Variants in PPP2R3A observed in about 807,000 individuals in gnomAD.
The protein encoded by PPP2R3A is serine/threonine-protein phosphatase 2A regulatory subunit B'' subunit alpha.
A neutral mutation model predicts 106.9 loss-of-function variants in PPP2R3A; 80 were observed. The ratio of observed to expected loss-of-function variants is 0.75; its 90% CI spans 0.62 to 0.90. The LOEUF (loss-of-function observed/expected upper bound fraction) is 0.90, where lower values mean the gene tolerates loss of function less well. PPP2R3A is among the 40% of genes least tolerant of loss of function. The probability of loss-of-function intolerance (pLI) is 0.00; values close to 1 mark genes in which losing one functional copy is unlikely to be tolerated. For synonymous variants in PPP2R3A, 483 were observed against 468.3 expected (o/e 1.03, Z -0.41); for missense variants, 1,386 against 1,350.4 (o/e 1.03, Z -0.41).
intron 1 of PPP2R3A, among the ~76,000 whole-genome samples, chr3:135,992,904 G>A (rs1431192961): frequency 6.6e-6 from 1 of 152,122 alleles, no homozygotes; most frequent in African/African-American, 2.4e-5. Context: ...ATGCAAGGAA[G>A]GAGACAGTGA....
At chr3:136,029,746 A>G (rs1047578804) in intron 3 of PPP2R3A, among the ~76,000 whole-genome samples, 2 of 152,216 alleles carry the variant, frequency 1.3e-5, no homozygotes, top group Non-Finnish European at 2.9e-5. Flanking sequence ...GCCATTATAC[A>G]TATATATGTC....
At position 136,001,794 on chromosome 3, in the gene PPP2R3A, G is replaced by A. The variant is rs750422274; in HGVS notation, c.296G>A (p.Arg99Lys). The A allele has an allele frequency of 3.7e-6, 6 of 1,614,160 alleles. No individual in the cohort carries two copies. The highest frequency in any genetic ancestry group is 5.1e-6 in the Non-Finnish European group (6 of 1,180,028). ...TTCACAGGCATACCCAGGGTCAAGAGAGGATCTACATTTCAGAATACCTAC... is the reference window on the plus strand; with the variant it reads ...TTCACAGGCATACCCAGGGTCAAGAAAGGATCTACATTTCAGAATACCTAC... ...QAFTGIPRVK[R>K]GSTFQNTYNL... The change falls in exon 2 of 14, where the codon AGA (arginine) becomes AAA (lysine). Residue 99 changes from arginine (R) to lysine (K), a missense_variant. Coordinates refer to ENST00000264977, the MANE Select transcript of PPP2R3A (RefSeq NM_002718.5).
At chr3:136,110,866 T>C (rs111990522) in intron 13 of PPP2R3A, among the ~76,000 whole-genome samples, 2,240 of 152,104 alleles carry the variant, frequency 0.015, 36 homozygotes, top group Non-Finnish European at 0.022. Flanking sequence ...AATTTCAGAA[T>C]ACGAAAGATA....
At position 136,146,179 on chromosome 3, in the gene PPP2R3A, A is replaced by G. The variant is rs1341161411; in HGVS notation, c.*1013A>G. On this transcript the variant is annotated 3_prime_UTR_variant, in exon 14 of 14. Coordinates refer to ENST00000264977, the MANE Select transcript of PPP2R3A (RefSeq NM_002718.5). ...ATTTATCAAGGAAATGGAAAATGAT[A>G]CAGCTATAAAAGAAAGCTGTTATTT... 1 of 152,208 alleles carries G rather than the reference A, an allele frequency of 6.6e-6. No homozygotes were observed. Among genetic ancestry groups the G allele is most frequent in the East Asian group, 1.9e-4 (1 of 5,202 alleles). The allele number at this position is 152,208 out of a possible 1,614,324, so 9.4% of individuals were successfully genotyped here.
chr3:136,030,778 A>ATATGTATGTATGTATGTATG, intron 3 of PPP2R3A, among the ~76,000 whole-genome samples: 1 of 111,304 alleles, frequency 9.0e-6, no homozygotes, highest in Admixed American at 8.5e-5. Context: ...ATATATATAT[A>ATATGTATGTATGTATGTATG]TATGTATGTA....
intron 5 of PPP2R3A, among the ~76,000 whole-genome samples, chr3:136,059,663 A>C (rs1207288802): frequency 6.6e-6 from 1 of 152,246 alleles, no homozygotes; most frequent in Non-Finnish European, 1.5e-5. Context: ...TTCTCTTATG[A>C]AGAGACATGC....
At chr3:136,099,709 TA>T (rs1937309672) in intron 10 of PPP2R3A, among the ~76,000 whole-genome samples, 1 of 151,580 alleles carries the variant, frequency 6.6e-6, no homozygotes, top group African/African-American at 2.4e-5. Flanking sequence ...GAAAATGAAA[TA>T]TGGTACAGGC....
At chr3:136,098,275 T>C (rs1397408378) in intron 10 of PPP2R3A, among the ~76,000 whole-genome samples, 1 of 152,272 alleles carries the variant, frequency 6.6e-6, no homozygotes, top group East Asian at 1.9e-4. Flanking sequence ...ATGATTGCAG[T>C]ACTGCACTCC....
chr3:136,089,964 C>T (rs750049181), intron 9 of PPP2R3A, among the ~76,000 whole-genome samples: 3 of 151,976 alleles, frequency 2.0e-5, no homozygotes, highest in African/African-American at 4.8e-5. Context: ...TTTTGTATCC[C>T]GAAACTTTAA....
chr3:136,048,627 G>C (rs891174882), intron 4 of PPP2R3A, among the ~76,000 whole-genome samples: 5 of 151,278 alleles, frequency 3.3e-5, no homozygotes, highest in Admixed American at 2.6e-4. Flanking sequence ...AGCTGAGATT[G>C]TGCCACTGCA....
chr3:136,103,131 T>C (rs1196527319), intron 11 of PPP2R3A, 127 bp from the exon 12 acceptor site: 4 of 515,690 alleles, frequency 7.8e-6, no homozygotes, highest in Non-Finnish European at 1.4e-5. Context: ...GATTTAAATT[T>C]TTTTATTCTG....
chr3:136,054,664 A>G (rs1935801702), intron 5 of PPP2R3A, among the ~76,000 whole-genome samples: 1 of 152,216 alleles, frequency 6.6e-6, no homozygotes, highest in African/African-American at 2.4e-5. Flanking sequence ...AGGAATTATA[A>G]ATCAGTAGGA....
rs142898575 is a variant in PPP2R3A at position 136,029,095 on chromosome 3, C to T, written c.2262+1997C>T. Among the ~76,000 whole-genome samples the T allele has an allele frequency of 1.7e-3, 264 of 152,216 alleles. 1 individual carries two copies. The highest frequency in any genetic ancestry group is 6.1e-3 in the African/African-American group (252 of 41,512). ...CTCAAACTCCCGACCTCAGGTTATC[C>T]GCCCACCTCGGCCTCCCAAAGTGCT... On this transcript the variant is annotated intron_variant, in intron 3 of 13. Coordinates refer to ENST00000264977, the MANE Select transcript of PPP2R3A (RefSeq NM_002718.5).
chr3:136,047,215 G>A (rs1935501052), intron 4 of PPP2R3A, among the ~76,000 whole-genome samples: 1 of 152,180 alleles, frequency 6.6e-6, no homozygotes, highest in Admixed American at 6.5e-5. Flanking sequence ...AGGTGGACAT[G>A]GCTGAACTCC....
intron 13 of PPP2R3A, among the ~76,000 whole-genome samples, chr3:136,132,245 T>G (rs1938456948): frequency 6.6e-6 from 1 of 152,024 alleles, no homozygotes; most frequent in South Asian, 2.1e-4. Context: ...ACTCAACAAT[T>G]GTAACTGGGG....
intron 3 of PPP2R3A, 42 bp from the exon 4 acceptor site, chr3:136,040,817 C>A: frequency 6.7e-7 from 1 of 1,499,826 alleles, no homozygotes; most frequent in Non-Finnish European, 9.0e-7. Flanking sequence ...GTCATCTCTT[C>A]ATTCCCTGTT....
At chr3:135,980,618 T>A (rs893735562) in intron 1 of PPP2R3A, among the ~76,000 whole-genome samples, 5 of 151,814 alleles carry the variant, frequency 3.3e-5, no homozygotes, top group Non-Finnish European at 5.9e-5. Flanking sequence ...TGACTGGAAC[T>A]TTAAGTATAT....
chr3:136,126,385 G>A (rs1289330107), intron 13 of PPP2R3A, among the ~76,000 whole-genome samples: 1 of 152,236 alleles, frequency 6.6e-6, no homozygotes, highest in Non-Finnish European at 1.5e-5. Flanking sequence ...AGCAGTCTGA[G>A]ATTGAACTGT....
At chr3:136,139,405 T>C (rs1169587966) in intron 13 of PPP2R3A, among the ~76,000 whole-genome samples, 2 of 152,080 alleles carry the variant, frequency 1.3e-5, no homozygotes, top group Non-Finnish European at 2.9e-5. Flanking sequence ...GTTAGAGAAT[T>C]TGTTCTCAGG....
Sources: gnomAD v4.1 joint callset for allele counts (sites outside exome capture counted in the v4.1 genomes callset) on GRCh38, gnomAD v4.1.1 for gene constraint, MANE v1.5 for transcripts, NCBI Gene and HGNC (gene_info 2026-07-23, HGNC 2026-07-21) for gene names.